Variants in NDE1 observed in about 807,000 individuals in gnomAD.
The protein encoded by NDE1 is nuclear distribution protein nudE homolog 1.
A neutral mutation model predicts 43.4 loss-of-function variants in NDE1; 28 were observed. The ratio of observed to expected loss-of-function variants is 0.65; its 90% CI spans 0.48 to 0.89. The LOEUF (loss-of-function observed/expected upper bound fraction) is 0.89. NDE1 is among the 40% of genes least tolerant of loss of function. The pLI, the probability that NDE1 is intolerant of heterozygous loss-of-function variation, is 0.00. For synonymous variants in NDE1, 184 were observed against 172.0 expected (o/e 1.07, Z -0.55); for missense variants, 441 against 434.1 (o/e 1.02, Z -0.14).
chr16:15,663,811 A>C lies in NDE1; in HGVS notation c.-43-925A>C, dbSNP rs770962460. 6.4e-3 allele frequency among the ~76,000 whole-genome samples: 976 copies of C among 152,160 alleles called. 22 individuals carry two copies. The East Asian group carries it at 0.07, about 11-fold the overall frequency. On this transcript the variant is annotated intron_variant, in intron 1 of 8. Coordinates refer to ENST00000396354, the MANE Select transcript of NDE1 (RefSeq NM_017668.3). ...GTTGGGTGCGGTGGTTCACGCCTGT[A>C]ATACCAGCACTTTGGGAGGCTGAGG...
upstream of NDE1, chr16:15,650,146 G>A (rs1452759147): frequency 1.3e-5 from 2 of 156,274 alleles, no homozygotes; most frequent in African/African-American, 4.8e-5. Context: ...GATTGGCCGA[G>A]GCGGACGCGG....
intron 8 of NDE1, chr16:15,715,253 T>G: frequency 1.2e-6 from 2 of 1,613,976 alleles, no homozygotes; most frequent in Non-Finnish European, 1.7e-6. Flanking sequence ...TTCAGCGACT[T>G]GGTGGCCGCC....
chr16:15,702,849 G>A (rs552166696), intron 8 of NDE1, among the ~76,000 whole-genome samples: 2 of 152,224 alleles, frequency 1.3e-5, no homozygotes, highest in East Asian at 3.9e-4. Context: ...ATGTTCGAGG[G>A]CAGGGGGCAG....
At chr16:15,671,656 C>A (rs2037599163) in intron 3 of NDE1, among the ~76,000 whole-genome samples, 1 of 152,166 alleles carries the variant, frequency 6.6e-6, no homozygotes, top group African/African-American at 2.4e-5. Flanking sequence ...ACACCTGCTA[C>A]ACACAATGAG....
intron 3 of NDE1, among the ~76,000 whole-genome samples, chr16:15,668,857 C>A (rs1364279033): frequency 6.6e-6 from 1 of 152,108 alleles, no homozygotes; most frequent in Non-Finnish European, 1.5e-5. Flanking sequence ...CCGGATCATC[C>A]TCCGTTGGGA....
chr16:15,703,396 CGG>C (rs2039289991), intron 8 of NDE1: 1 of 238,292 alleles, frequency 4.2e-6, no homozygotes, highest in South Asian at 1.5e-4. Flanking sequence ...GCACCCATTT[CGG>C]TGACTTTCTC....
chr16:15,676,503 C>T (rs150657688), intron 3 of NDE1, among the ~76,000 whole-genome samples: 4 of 152,104 alleles, frequency 2.6e-5, no homozygotes, highest in Non-Finnish European at 4.4e-5. Flanking sequence ...TGAGCCACTG[C>T]GCCTGGCCTG....
At chr16:15,688,389 C>T (rs750176455) in intron 5 of NDE1, among the ~76,000 whole-genome samples, 2 of 151,872 alleles carry the variant, frequency 1.3e-5, no homozygotes, top group Non-Finnish European at 2.9e-5. Flanking sequence ...AATCCCAGCA[C>T]TTTGGGAGGC....
At chr16:15,686,932 G>A in intron 4 of NDE1, 1 of 969,520 alleles carries the variant, frequency 1.0e-6, no homozygotes, top group Non-Finnish European at 1.2e-6. Flanking sequence ...CCTGATCTCA[G>A]GTCTTCCACC....
intron 4 of NDE1, among the ~76,000 whole-genome samples, chr16:15,681,220 T>C (rs1039320561): frequency 1.4e-5 from 2 of 145,998 alleles, no homozygotes; most frequent in Non-Finnish European, 3.0e-5. Flanking sequence ...TTTAGGTGGA[T>C]AGCCCAGTTG....
intron 5 of NDE1, among the ~76,000 whole-genome samples, chr16:15,690,337 CT>C (rs67220509): frequency 0.12 from 8,544 of 73,830 alleles, 795 homozygotes; most frequent in African/African-American, 0.32. Flanking sequence ...TGCAACTGGC[CT>C]TTTTTTTTTT....
At chr16:15,707,251 GGT>G (rs1187609699) in intron 8 of NDE1, among the ~76,000 whole-genome samples, 7 of 152,264 alleles carry the variant, frequency 4.6e-5, no homozygotes, top group African/African-American at 1.7e-4. Context: ...TGGCCAGGCT[GGT>G]CCTGACCTCA....
At chr16:15,649,782 T>G (rs1213824410), upstream of NDE1, among the ~76,000 whole-genome samples, 2 of 152,230 alleles carry the variant, frequency 1.3e-5, no homozygotes, top group Non-Finnish European at 2.9e-5. Flanking sequence ...ATAATGATGC[T>G]GAAGATTCTA....
chr16:15,692,330 A>G (rs541726118), intron 6 of NDE1, among the ~76,000 whole-genome samples: 23 of 152,316 alleles, frequency 1.5e-4, no homozygotes, highest in Non-Finnish European at 2.6e-4. Flanking sequence ...GGCTTACCCT[A>G]CCATCTACTA....
At chr16:15,709,017 A>G (rs1271269534) in intron 8 of NDE1, among the ~76,000 whole-genome samples, 1 of 151,992 alleles carries the variant, frequency 6.6e-6, no homozygotes, top group East Asian at 1.9e-4. Context: ...ATCTTGGCTC[A>G]CTGCAACCTC....
At chr16:15,677,557 G>T (rs890148917) in intron 3 of NDE1, among the ~76,000 whole-genome samples, 1 of 151,598 alleles carries the variant, frequency 6.6e-6, no homozygotes, top group African/African-American at 2.4e-5. Flanking sequence ...CTGCACTCAA[G>T]CCTGGGCAAC....
upstream of NDE1, among the ~76,000 whole-genome samples, chr16:15,645,747 A>G (rs2036318923): frequency 6.6e-6 from 1 of 152,234 alleles, no homozygotes; most frequent in South Asian, 2.1e-4. Flanking sequence ...CCCTTGTCCA[A>G]ATTATAGTCT....
chr16:15,700,836 C>T (rs1212445481), intron 8 of NDE1, among the ~76,000 whole-genome samples: 1 of 152,146 alleles, frequency 6.6e-6, no homozygotes, highest in East Asian at 1.9e-4. Context: ...TTCCCCCCAA[C>T]TCCCAACCAG....
chr16:15,720,176 G>A (rs369662031), intron 8 of NDE1: 2 of 1,613,970 alleles, frequency 1.2e-6, no homozygotes, highest in Non-Finnish European at 1.7e-6. Context: ...CTGCTTGATG[G>A]CTTCCTCCCT....
Sources: gnomAD v4.1 joint callset for allele counts (sites outside exome capture counted in the v4.1 genomes callset) on GRCh38, gnomAD v4.1.1 for gene constraint, MANE v1.5 for transcripts, NCBI Gene and HGNC (gene_info 2026-07-23, HGNC 2026-07-21) for gene names.